Variants in TNIK observed in about 807,000 individuals in gnomAD.
The protein encoded by TNIK is TRAF2 and NCK interacting kinase, also known as TRAF2 and NCK-interacting protein kinase.
In TNIK, 49 loss-of-function variants were observed where a neutral mutation model predicts 191.3. The observed-to-expected ratio is 0.26, with a 90% CI of 0.20 to 0.32. TNIK has a LOEUF of 0.32. TNIK is among the 10% of genes least tolerant of loss of function. The pLI, the probability that TNIK is intolerant of heterozygous loss-of-function variation, is 1.00. For missense variants in TNIK, 1,155 were observed against 1,702.3 expected (o/e 0.68, Z 5.66); for synonymous variants, 594 against 600.9 (o/e 0.99, Z 0.17).
chr3:171,140,517 G>A lies in TNIK; in HGVS notation c.1222-8C>T. 6.2e-7 allele frequency: 1 copy of A among 1,612,784 alleles called. No individual in the cohort carries two copies. The highest frequency in any genetic ancestry group is 8.5e-7 in the Non-Finnish European group (1 of 1,179,686). On this transcript the variant is annotated splice_region_variant and splice_polypyrimidine_tract_variant and intron_variant, in intron 12 of 32. Coordinates refer to ENST00000436636, the MANE Select transcript of TNIK (RefSeq NM_015028.4). ...CTTCTCTCGCCTTTGTTGCTGTGGG[G>A]CAACAAGCAGACAACCATGAAGGCA...
At chr3:171,192,986 C>A (rs1738243160) in intron 5 of TNIK, among the ~76,000 whole-genome samples, 1 of 152,046 alleles carries the variant, frequency 6.6e-6, no homozygotes, top group African/African-American at 2.4e-5. Flanking sequence ...TATCTATAAC[C>A]CAGCTGGAAT....
intron 9 of TNIK, among the ~76,000 whole-genome samples, chr3:171,167,742 TTAAA>T (rs1391773394): frequency 1.3e-5 from 2 of 152,148 alleles, no homozygotes; most frequent in East Asian, 1.9e-4. Flanking sequence ...GGTGAGCCAC[TTAAA>T]TAAGGCAGAA....
At chr3:171,396,277 T>C (rs1305333871) in intron 1 of TNIK, among the ~76,000 whole-genome samples, 1 of 152,228 alleles carries the variant, frequency 6.6e-6, no homozygotes, top group African/African-American at 2.4e-5. Context: ...TAGTAGCATA[T>C]ATCATTACTT....
chr3:171,417,710 T>C (rs190860389), intron 1 of TNIK, among the ~76,000 whole-genome samples: 4 of 152,232 alleles, frequency 2.6e-5, no homozygotes, highest in Admixed American at 2.0e-4. Context: ...CTTCAATAAG[T>C]ATGTTTCTTT....
chr3:171,207,049 A>G (rs1205273795), intron 4 of TNIK, among the ~76,000 whole-genome samples: 1 of 152,002 alleles, frequency 6.6e-6, no homozygotes, highest in African/African-American at 2.4e-5. Context: ...ATTGAGAACC[A>G]TAGCCCTGAC....
intron 12 of TNIK, among the ~76,000 whole-genome samples, chr3:171,142,105 A>C (rs2108641241): frequency 6.6e-6 from 1 of 152,340 alleles, no homozygotes; most frequent in Non-Finnish European, 1.5e-5. Flanking sequence ...TTGGGAGATA[A>C]GCTGCGTCTC....
chr3:171,123,959 G>T (rs1475108944), intron 17 of TNIK, among the ~76,000 whole-genome samples: 3 of 152,154 alleles, frequency 2.0e-5, no homozygotes, highest in Non-Finnish European at 2.9e-5. Flanking sequence ...CAAATTTAAA[G>T]ATAGGTAAAG....
At position 171,194,558 on chromosome 3, in the gene TNIK, C is replaced by T. The variant is rs776247565; in HGVS notation, c.384G>A (p.Glu128=). 3 of 1,613,970 alleles carry T rather than the reference C, an allele frequency of 1.9e-6. No homozygotes were observed. The South Asian group carries it at 3.3e-5, about 18-fold the overall frequency. Residue 128 remains glutamate (E), a synonymous_variant, in exon 5 of 33, where the codon GAG becomes GAA. Coordinates refer to ENST00000436636, the MANE Select transcript of TNIK (RefSeq NM_015028.4). The stretch of plus-strand genomic sequence containing the variant: ...TTTCCCTGCAGATGTATGCAATCCA[C>T]TCCTCTTTCAACGTGTTACCTTTTG... ...KNTKGNTLKE[E]WIAYICREIL...
chr3:171,315,784 G>A (rs1390938412), intron 2 of TNIK, among the ~76,000 whole-genome samples: 2 of 152,076 alleles, frequency 1.3e-5, no homozygotes, highest in African/African-American at 4.8e-5. Context: ...GTCTGTGTCT[G>A]TCTTTTCTCC....
At chr3:171,168,811 T>C (rs1012083723) in intron 9 of TNIK, among the ~76,000 whole-genome samples, 1 of 152,192 alleles carries the variant, frequency 6.6e-6, no homozygotes, top group Non-Finnish European at 1.5e-5. Context: ...TCAACGTGCC[T>C]GAGCCATCTT....
chr3:171,273,289 C>A (rs1487821602), intron 2 of TNIK, among the ~76,000 whole-genome samples: 1 of 152,224 alleles, frequency 6.6e-6, no homozygotes, highest in African/African-American at 2.4e-5. Flanking sequence ...TGGGTACCAG[C>A]CATAGTCTTG....
chr3:171,214,679 A>C (rs1741248359), intron 3 of TNIK, among the ~76,000 whole-genome samples: 1 of 152,192 alleles, frequency 6.6e-6, no homozygotes, highest in Non-Finnish European at 1.5e-5. Context: ...TCAATAAGCC[A>C]AGTCCGGTAC....
At chr3:171,402,580 C>T (rs1298669882) in intron 1 of TNIK, among the ~76,000 whole-genome samples, 4 of 152,080 alleles carry the variant, frequency 2.6e-5, no homozygotes, top group Non-Finnish European at 2.9e-5. Flanking sequence ...ATAGATTGAC[C>T]GTGATATAGT....
At chr3:171,424,152 C>T (rs1334624418) in intron 1 of TNIK, among the ~76,000 whole-genome samples, 1 of 152,166 alleles carries the variant, frequency 6.6e-6, no homozygotes, top group East Asian at 1.9e-4. Context: ...AACAAACAAC[C>T]CCATCAACAA....
rs1181253738 is a variant in TNIK, at chr3:171,455,266, T to C, written c.57+4741A>G. 2.0e-5 allele frequency among the ~76,000 whole-genome samples: 3 copies of C among 152,266 alleles called. No individual in the cohort carries two copies. The East Asian group carries it at 5.8e-4, about 29-fold the overall frequency. On this transcript the variant is annotated intron_variant, in intron 1 of 32. Coordinates refer to ENST00000436636, the MANE Select transcript of TNIK (RefSeq NM_015028.4). Reference sequence around the variant, plus strand: ...CCTTCTTTTCTTAGTCTTCTTTTTTTTTTCTTAAACAAGATGTCACTCTGT... The same window carrying C: ...CCTTCTTTTCTTAGTCTTCTTTTTTCTTTCTTAAACAAGATGTCACTCTGT...
intron 1 of TNIK, among the ~76,000 whole-genome samples, chr3:171,436,697 T>C (rs1726071651): frequency 6.6e-6 from 1 of 152,212 alleles, no homozygotes; most frequent in African/African-American, 2.4e-5. Flanking sequence ...CGTTACTCTC[T>C]GAGGTGCCAA....
intron 1 of TNIK, among the ~76,000 whole-genome samples, chr3:171,393,382 A>G (rs1294530986): frequency 6.6e-6 from 1 of 152,232 alleles, no homozygotes; most frequent in Admixed American, 6.5e-5. Flanking sequence ...CAGCTGCTGC[A>G]GGAGAGAGCA....
At chr3:171,320,019 T>A (rs1426309976) in intron 2 of TNIK, among the ~76,000 whole-genome samples, 1 of 152,130 alleles carries the variant, frequency 6.6e-6, no homozygotes, top group East Asian at 1.9e-4. Context: ...GAGAGTTTAA[T>A]CTGTGGCTAT....
At chr3:171,376,330 T>G (rs1479410196) in intron 1 of TNIK, among the ~76,000 whole-genome samples, 1 of 152,174 alleles carries the variant, frequency 6.6e-6, no homozygotes, top group African/African-American at 2.4e-5. Context: ...TCAAAGGTAA[T>G]TTTTTACTTT....
Sources: gnomAD v4.1 joint callset for allele counts (sites outside exome capture counted in the v4.1 genomes callset) on GRCh38, gnomAD v4.1.1 for gene constraint, MANE v1.5 for transcripts, NCBI Gene and HGNC (gene_info 2026-07-23, HGNC 2026-07-21) for gene names.